The following PPARA variants were observed in gnomAD, a reference collection of about 807,000 sequenced individuals.
PPARA encodes the protein peroxisome proliferator activated receptor alpha, also known as peroxisome proliferator-activated receptor alpha.
PPARA carries 22 observed loss-of-function variants against 42.2 expected under a neutral mutation model. The observed-to-expected ratio is 0.52, with a 90% CI of 0.37 to 0.74. PPARA has a LOEUF of 0.74. PPARA is among the 30% of genes least tolerant of loss of function. The probability of loss-of-function intolerance (pLI) is 0.00; values close to 1 mark genes in which losing one functional copy is unlikely to be tolerated. For synonymous variants in PPARA, 242 were observed against 239.3 expected, an observed-to-expected ratio of 1.01 and a Z score of -0.10; for missense variants, 465 against 608.2, an observed-to-expected ratio of 0.76 and a Z score of 2.48.
At chr22:46,217,669 T>G (rs962321682) in intron 5 of PPARA, among the ~76,000 whole-genome samples, 5 of 152,134 alleles carry the variant, frequency 3.3e-5, no homozygotes, top group African/African-American at 1.2e-4. Flanking sequence ...TTTGGAAAAC[T>G]ATAATTGTGT....
chr22:46,174,286 A>C (rs1264075379), intron 2 of PPARA, among the ~76,000 whole-genome samples: 1 of 9,482 alleles, frequency 1.1e-4, no homozygotes, highest in African/African-American at 4.8e-4. Context: ...AATTATGATA[A>C]AGCAGATGGT....
rs1364058771 is a variant in PPARA at position 46,171,782 on chromosome 22, G to A, written c.-126-4971G>A. ...CAGGACCAGTCTCGTGGAGGTCGGG[G>A]CCGTTGTGAGGACTCTGGTTTGTGT... is the stretch of plus-strand genomic sequence containing the variant. On this transcript the variant is annotated intron_variant, in intron 2 of 8. Transcript: ENST00000407236. The surrounding 1 kb of genome is among the most constrained non-coding windows in gnomAD (Gnocchi z 5.0). 6.6e-6 allele frequency among the ~76,000 whole-genome samples: 1 copy of A among 152,190 alleles called. No individual in the cohort carries two copies. Among genetic ancestry groups the A allele is most frequent in the Non-Finnish European group, 1.5e-5 (1 of 68,034 alleles).
chr22:46,192,065 A>G lies in PPARA; in HGVS notation c.-42-6277A>G, dbSNP rs1349055508. On this transcript the variant is annotated intron_variant, in intron 3 of 8. Coordinates refer to ENST00000407236, the MANE Select transcript of PPARA (RefSeq NM_005036.6). The surrounding 1 kb of genome is among the most constrained non-coding windows in gnomAD (Gnocchi z 4.3). ...GGTGACAGAGTGAGACTCCATCTCAAAAAAAAGAGAAAGAAAGAAATAGAC... is the reference window on the plus strand; with the variant it reads ...GGTGACAGAGTGAGACTCCATCTCAGAAAAAAGAGAAAGAAAGAAATAGAC... Among the ~76,000 whole-genome samples the G allele has an allele frequency of 6.6e-6, 1 of 152,220 alleles. No individual in the cohort carries two copies. Among genetic ancestry groups the G allele is most frequent in the East Asian group, 1.9e-4 (1 of 5,202 alleles).
intron 2 of PPARA, among the ~76,000 whole-genome samples, chr22:46,175,480 G>A (rs955852069): frequency 3.3e-5 from 5 of 151,700 alleles, no homozygotes; most frequent in African/African-American, 7.3e-5. Context: ...TTGGGAGGCC[G>A]AGGCAGGCGG....
intron 2 of PPARA, among the ~76,000 whole-genome samples, chr22:46,169,896 G>T (rs1927723967): frequency 1.3e-5 from 2 of 151,918 alleles, no homozygotes. Flanking sequence ...AGCACATGTA[G>T]GCATCCTGAC....
Position 46,239,953 on chromosome 22 carries a change from C to T in PPARA, c.*4573C>T. 1 of 387,994 alleles carries T rather than the reference C, an allele frequency of 2.6e-6. No homozygotes were observed. The highest frequency in any genetic ancestry group is 4.5e-6 in the Non-Finnish European group (1 of 220,080). The allele number at this position is 387,994 out of a possible 1,614,324, so 24.0% of individuals were successfully genotyped here. ...TTTTGGTCCTGATCCAGTGGCCACA[C>T]CTGTCTTTGAAATGTCTCACTGAAC... On this transcript the variant is annotated 3_prime_UTR_variant, in exon 9 of 9. Transcript: ENST00000407236.
intron 2 of PPARA, among the ~76,000 whole-genome samples, chr22:46,176,430 G>T (rs1468637192): frequency 5.3e-5 from 8 of 152,116 alleles, no homozygotes; most frequent in African/African-American, 1.9e-4. Flanking sequence ...AGGTTACAAT[G>T]AGCCAAGATC....
rs1042173954 is a variant in PPARA at position 46,239,536 on chromosome 22, C to G, written c.*4156C>G. 6.7e-6 allele frequency: 1 copy of G among 148,372 alleles called. No individual in the cohort carries two copies. The highest frequency in any genetic ancestry group is 2.5e-5 in the African/African-American group (1 of 40,002). 9.2% of individuals were successfully genotyped at this position (148,372 alleles called of 1,614,324 possible). ...AGGAACTTCGGTTGTGTAAAGGGAGCCTTGAAGATACGTGCAAAAGGTGCT... is the reference window on the plus strand; with the variant it reads ...AGGAACTTCGGTTGTGTAAAGGGAGGCTTGAAGATACGTGCAAAAGGTGCT... On this transcript the variant is annotated 3_prime_UTR_variant, in exon 9 of 9. Transcript: ENST00000407236.
chr22:46,155,302 G>T (rs1031040867), intron 2 of PPARA: 1 of 152,008 alleles, frequency 6.6e-6, no homozygotes, highest in South Asian at 2.1e-4. Flanking sequence ...GCCTGGCATA[G>T]AGTCCATTTT....
intron 3 of PPARA, among the ~76,000 whole-genome samples, chr22:46,179,488 G>A (rs895284083): frequency 9.9e-5 from 15 of 152,200 alleles, no homozygotes; most frequent in Non-Finnish European, 2.2e-4. Context: ...TCAATAAATG[G>A]TGCTGGTGCA....
At position 46,168,505 on chromosome 22, in the gene PPARA, C is replaced by T. The variant is rs1014662749; in HGVS notation, c.-126-8248C>T. 5.3e-5 allele frequency among the ~76,000 whole-genome samples: 8 copies of T among 150,944 alleles called. No homozygotes were observed. The South Asian group carries it at 8.4e-4, about 16-fold the overall frequency. On this transcript the variant is annotated intron_variant, in intron 2 of 8. Transcript: ENST00000407236. ...GCCATAGACTTAGAGAAAATATTTA[C>T]AAAACATATATCTGACAAAGGACTT...
In PPARA at chr22:46,185,914, AAAATATATATATATATATATAT is replaced by A. The variant is rs1240230179; in HGVS notation, c.-43+9080_-43+9101del. ...CGTCTCCAAAAAAAAAAAAAAAAAA[AAAATATATATATATATATATAT>A]ATATATATATATATATATATATATA... On this transcript the variant is annotated intron_variant, in intron 3 of 8. Coordinates refer to ENST00000407236, the MANE Select transcript of PPARA (RefSeq NM_005036.6). Among the ~76,000 whole-genome samples, 44 of 49,574 alleles carry A rather than the reference AAAATATATATATATATATATAT, an allele frequency of 8.9e-4. 2 individuals are homozygous for A. The highest frequency in any genetic ancestry group is 4.1e-3 in the African/African-American group (40 of 9,776). The allele number at this position is 49,574 out of a possible 152,430, so 32.5% of individuals were successfully genotyped here. A position where few individuals can be genotyped will look rare whatever the true frequency, so the allele number is the denominator to read the frequency against.
intron 3 of PPARA, among the ~76,000 whole-genome samples, chr22:46,178,455 G>C (rs1041658086): frequency 1.3e-5 from 2 of 152,218 alleles, no homozygotes; most frequent in Non-Finnish European, 2.9e-5. Flanking sequence ...TGTGGCTTGA[G>C]AGAGTTTCCA....
At position 46,167,081 on chromosome 22, in the gene PPARA, C is replaced by T. The variant is rs1432813502; in HGVS notation, c.-126-9672C>T. On this transcript the variant is annotated intron_variant, in intron 2 of 8. Transcript: ENST00000407236. The surrounding 1 kb of genome is among the most constrained non-coding windows in gnomAD (Gnocchi z 4.1). The stretch of plus-strand genomic sequence containing the variant: ...TAGCAAGTCCAGAAATAGATCCACA[C>T]ATATATGGTCAATTGATTTTCAGCA... 6.6e-6 allele frequency among the ~76,000 whole-genome samples: 1 copy of T among 152,064 alleles called. No homozygotes were observed. The highest frequency in any genetic ancestry group is 2.4e-5 in the African/African-American group (1 of 41,382).
intron 4 of PPARA, among the ~76,000 whole-genome samples, chr22:46,198,900 C>T (rs1252042382): frequency 6.6e-6 from 1 of 152,150 alleles, no homozygotes; most frequent in Non-Finnish European, 1.5e-5. Flanking sequence ...ACCTCATGAT[C>T]TGCCCGCCTC....
rs1268450958 is a variant in PPARA at position 46,195,033 on chromosome 22, G to A, written c.-42-3309G>A. Reference sequence around the variant, plus strand: ...TTCTCTTGCCTCAGTCTCCTGAGTAGCTGGGATTACAGGCGCCTACCACCA... The same window carrying A: ...TTCTCTTGCCTCAGTCTCCTGAGTAACTGGGATTACAGGCGCCTACCACCA... On this transcript the variant is annotated intron_variant, in intron 3 of 8. Transcript: ENST00000407236. This position sits in a 1 kb window ranked among gnomAD's most constrained non-coding sequence, Gnocchi z 4.6. Among the ~76,000 whole-genome samples the A allele has an allele frequency of 1.3e-5, 2 of 150,030 alleles. No homozygotes were observed. Among genetic ancestry groups the A allele is most frequent in the African/African-American group, 4.9e-5 (2 of 40,684 alleles).
Position 46,173,468 on chromosome 22 carries a change from A to G in PPARA, c.-126-3285A>G, listed in dbSNP as rs1041970824. Among the ~76,000 whole-genome samples, 1 of 152,218 alleles carries G rather than the reference A, an allele frequency of 6.6e-6. No individual in the cohort carries two copies. Among genetic ancestry groups the G allele is most frequent in the East Asian group, 1.9e-4 (1 of 5,200 alleles). ...ATTAACTGTGGATTCTTCTATGCAG[A>G]TATCTGTCACAATATAAGTTACTAT... On this transcript the variant is annotated intron_variant, in intron 2 of 8. Coordinates refer to ENST00000407236, the MANE Select transcript of PPARA (RefSeq NM_005036.6). The surrounding 1 kb of genome is among the most constrained non-coding windows in gnomAD (Gnocchi z 4.3).
At chr22:46,177,036 C>A (rs1015298949) in intron 3 of PPARA, among the ~76,000 whole-genome samples, 200 bp downstream of exon 3, 1 of 152,132 alleles carries the variant, frequency 6.6e-6, no homozygotes, top group Non-Finnish European at 1.5e-5. Flanking sequence ...CAGTGAAACC[C>A]TGTCTCTACT....
rs570096039 is a variant in PPARA at position 46,183,160 on chromosome 22, G to A, written c.-43+6324G>A. 3.3e-5 allele frequency among the ~76,000 whole-genome samples: 5 copies of A among 152,330 alleles called. No homozygotes were observed. Among genetic ancestry groups the A allele is most frequent in the African/African-American group, 1.2e-4 (5 of 41,570 alleles). On this transcript the variant is annotated intron_variant, in intron 3 of 8. Coordinates refer to ENST00000407236, the MANE Select transcript of PPARA (RefSeq NM_005036.6). This position sits in a 1 kb window ranked among gnomAD's most constrained non-coding sequence, Gnocchi z 5.5. ...CACTCGGGTGCCCCAATGTGGCGGT[G>A]CTTACAGAAATGACTCCATCTGCTA...
Sources: gnomAD v4.1 joint callset for allele counts (sites outside exome capture counted in the v4.1 genomes callset) on GRCh38, gnomAD v4.1.1 for gene constraint, Gnocchi (gnomAD v3.1) non-coding constraint, MANE v1.5 for transcripts, NCBI Gene and HGNC (gene_info 2026-07-23, HGNC 2026-07-21) for gene names.